NUBPL: variants seen among roughly 807,000 people sequenced by gnomAD.
The protein encoded by NUBPL is iron-sulfur cluster transfer protein NUBPL.
Under a neutral mutation model 45.7 loss-of-function variants are expected in NUBPL, and 31 were observed. That is an observed-to-expected ratio of 0.68 (90% CI 0.51 to 0.92). The LOEUF (loss-of-function observed/expected upper bound fraction) is 0.92. Ranked by LOEUF, NUBPL falls within the 40% of genes least tolerant of loss-of-function variation. NUBPL has a pLI of 0.00. For synonymous variants in NUBPL, 144 were observed against 140.9 expected (o/e 1.02, Z -0.15); for missense variants, 401 against 398.7 (o/e 1.01, Z -0.05).
At chr14:31,636,669 C>A (rs1223294039) in intron 4 of NUBPL, among the ~76,000 whole-genome samples, 2 of 152,122 alleles carry the variant, frequency 1.3e-5, no homozygotes, top group African/African-American at 4.8e-5. Context: ...GGAATGGTAC[C>A]AGTTCCTTCT....
At chr14:31,754,143 A>C (rs2038595801) in intron 6 of NUBPL, among the ~76,000 whole-genome samples, 1 of 152,174 alleles carries the variant, frequency 6.6e-6, no homozygotes, top group South Asian at 2.1e-4. Context: ...CTATTCTCTT[A>C]CCTAAATAGT....
intron 4 of NUBPL, among the ~76,000 whole-genome samples, chr14:31,600,675 T>C (rs1427270323): frequency 6.6e-6 from 1 of 152,162 alleles, no homozygotes; most frequent in Non-Finnish European, 1.5e-5. Flanking sequence ...ATGAGTAGGT[T>C]GCAAAAATTT....
At chr14:31,825,806 C>T (rs2040092298) in intron 7 of NUBPL, among the ~76,000 whole-genome samples, 2 of 145,660 alleles carry the variant, frequency 1.4e-5, no homozygotes, top group Admixed American at 1.4e-4. Flanking sequence ...TTCTTCTTCT[C>T]CTCCTCCTCC....
At chr14:31,718,973 C>T (rs923314985) in intron 6 of NUBPL, among the ~76,000 whole-genome samples, 3 of 152,126 alleles carry the variant, frequency 2.0e-5, no homozygotes, top group African/African-American at 4.8e-5. Flanking sequence ...ATTAACCCAT[C>T]GTTAAGTTGA....
At chr14:31,748,883 A>G (rs2038459952) in intron 6 of NUBPL, among the ~76,000 whole-genome samples, 1 of 152,084 alleles carries the variant, frequency 6.6e-6, no homozygotes, top group Admixed American at 6.5e-5. Context: ...AAGTGCTAGG[A>G]TTACAGGTGT....
At chr14:31,732,234 A>G (rs947435166) in intron 6 of NUBPL, among the ~76,000 whole-genome samples, 35 of 151,084 alleles carry the variant, frequency 2.3e-4, no homozygotes, top group Non-Finnish European at 4.3e-4. Flanking sequence ...TGGAAGACCC[A>G]GGTTCTAGAT....
chr14:31,594,962 G>A (rs148875842), intron 3 of NUBPL, among the ~76,000 whole-genome samples: 123 of 152,254 alleles, frequency 8.1e-4, no homozygotes, highest in South Asian at 4.6e-3. Flanking sequence ...GGGTGGGAAC[G>A]TTCTAAGATG....
intron 8 of NUBPL, among the ~76,000 whole-genome samples, chr14:31,839,611 A>G (rs1475027723): frequency 6.6e-6 from 1 of 152,252 alleles, no homozygotes; most frequent in African/African-American, 2.4e-5. Flanking sequence ...ATTACATCAA[A>G]CTAAAAAGCT....
chr14:31,802,185 G>C (rs1278784973), intron 7 of NUBPL, among the ~76,000 whole-genome samples: 1 of 152,142 alleles, frequency 6.6e-6, no homozygotes, highest in Admixed American at 6.6e-5. Flanking sequence ...GAGGGAGGGA[G>C]TTCTCTCCAG....
chr14:31,637,486 G>T (rs2035540300), intron 4 of NUBPL, among the ~76,000 whole-genome samples: 1 of 152,146 alleles, frequency 6.6e-6, no homozygotes, highest in Non-Finnish European at 1.5e-5. Flanking sequence ...TTTTACATTT[G>T]CTGAGGAGAG....
At chr14:31,821,055 G>A (rs192612176) in intron 7 of NUBPL, among the ~76,000 whole-genome samples, 112 of 152,084 alleles carry the variant, frequency 7.4e-4, no homozygotes, top group Non-Finnish European at 1.3e-3. Context: ...CCCTGGAGGC[G>A]GAGGTTGCGG....
intron 4 of NUBPL, among the ~76,000 whole-genome samples, chr14:31,626,264 C>T (rs1193956065): frequency 6.6e-6 from 1 of 151,878 alleles, no homozygotes; most frequent in Non-Finnish European, 1.5e-5. Context: ...TTCAAGCGAT[C>T]CCCCTGCCTC....
At chr14:31,598,791 A>G (rs1481458659) in intron 3 of NUBPL, among the ~76,000 whole-genome samples, 1 of 152,228 alleles carries the variant, frequency 6.6e-6, no homozygotes, top group Non-Finnish European at 1.5e-5. Flanking sequence ...CCAGATCTAC[A>G]TCAGAGTTTC....
At chr14:31,824,571 A>G (rs2040068169) in intron 7 of NUBPL, among the ~76,000 whole-genome samples, 2 of 152,288 alleles carry the variant, frequency 1.3e-5, no homozygotes, top group African/African-American at 4.8e-5. Context: ...GAAGATGCTG[A>G]TTGCAAGATG....
At chr14:31,702,023 G>C (rs2037351806) in intron 6 of NUBPL, among the ~76,000 whole-genome samples, 1 of 152,090 alleles carries the variant, frequency 6.6e-6, no homozygotes, top group African/African-American at 2.4e-5. Context: ...CAAGTGTAGG[G>C]GTTCCCAAGA....
At position 31,570,251 on chromosome 14, in the gene NUBPL, G is replaced by A. The variant is rs532341911; in HGVS notation, c.291+5203G>A. On this transcript the variant is annotated intron_variant, in intron 3 of 10. Transcript: ENST00000281081. ...TGTGTCTATATTTTTTTGGTATATA[G>A]TTGAAATTGGTTTAATAGTTTCTTT... Among the ~76,000 whole-genome samples the A allele has an allele frequency of 2.6e-5, 4 of 152,238 alleles. No individual in the cohort carries two copies. The South Asian group carries it at 8.3e-4, about 32-fold the overall frequency.
chr14:31,614,674 C>T (rs772615776), intron 4 of NUBPL, among the ~76,000 whole-genome samples: 4 of 152,094 alleles, frequency 2.6e-5, no homozygotes, highest in Non-Finnish European at 4.4e-5. Context: ...TTAAAGGAGA[C>T]ATTATTTCTG....
At chr14:31,719,065 C>G (rs2037751055) in intron 6 of NUBPL, among the ~76,000 whole-genome samples, 1 of 152,146 alleles carries the variant, frequency 6.6e-6, no homozygotes, top group African/African-American at 2.4e-5. Context: ...TAAACGTGGT[C>G]TGAACACATA....
chr14:31,774,700 C>T (rs1029589052), intron 6 of NUBPL, among the ~76,000 whole-genome samples: 5 of 152,188 alleles, frequency 3.3e-5, no homozygotes, highest in Admixed American at 2.0e-4. Flanking sequence ...GATTATTAGA[C>T]ATTATTTTGA....
Sources: allele counts gnomAD v4.1 joint callset (sites outside exome capture counted in the v4.1 genomes callset), GRCh38; gene constraint gnomAD v4.1.1; transcripts MANE v1.5; gene names NCBI Gene and HGNC (gene_info 2026-07-23, HGNC 2026-07-21).